Variants in BAALC observed in about 807,000 individuals in gnomAD.
BAALC encodes the protein BAALC binder of MAP3K1 and KLF4.
In BAALC, 9 loss-of-function variants were observed where a neutral mutation model predicts 15.5. That is an observed-to-expected ratio of 0.58 (90% CI 0.35 to 1.02). The LOEUF is 1.02. Among genes scored for constraint, BAALC ranks in the 50% least tolerant of loss-of-function variants. BAALC has a pLI of 0.02. For synonymous variants in BAALC, 80 were observed against 74.6 expected (o/e 1.07, Z -0.37); for missense variants, 201 against 192.4 (o/e 1.04, Z -0.27).
At chr8:103,192,893 A>G (rs1319559967) in intron 1 of BAALC, among the ~76,000 whole-genome samples, 4 of 151,856 alleles carry the variant, frequency 2.6e-5, no homozygotes, top group African/African-American at 7.3e-5. Flanking sequence ...CACCTCTTAG[A>G]CTTCTCTCTT....
At chr8:103,146,733 C>T (rs1474930353) in intron 1 of BAALC, among the ~76,000 whole-genome samples, 2 of 152,218 alleles carry the variant, frequency 1.3e-5, no homozygotes, top group East Asian at 3.9e-4. Flanking sequence ...AAAACATCCC[C>T]ACCTTCCTTA....
At chr8:103,167,396 A>G (rs1441629297) in intron 1 of BAALC, among the ~76,000 whole-genome samples, 1 of 152,168 alleles carries the variant, frequency 6.6e-6, no homozygotes, top group African/African-American at 2.4e-5. Flanking sequence ...CCTTATGACT[A>G]TGGATCACTG....
At chr8:103,212,835 ATC>A in intron 1 of BAALC, 82 bp from the exon 2 acceptor site, 9 of 1,432,304 alleles carry the variant, frequency 6.3e-6, no homozygotes, top group Non-Finnish European at 8.4e-6. Flanking sequence ...CATTTTGACT[ATC>A]TGTTTCTCCA....
rs749682000 is a variant in BAALC, at chr8:103,212,913, C to G, written c.161-6C>G. 4 of 1,611,372 alleles carry G rather than the reference C, an allele frequency of 2.5e-6. No homozygotes were observed. In the South Asian group the frequency reaches 4.4e-5, roughly 18 times the overall value. On this transcript the variant is annotated splice_polypyrimidine_tract_variant and splice_region_variant and intron_variant, in intron 1 of 2. Transcript: ENST00000309982. ...TCTGGTTCCATCCTCTGCTTACCTCCCCCAGGCATGCTGGAAGATGGACTG... is the reference window on the plus strand; with the variant it reads ...TCTGGTTCCATCCTCTGCTTACCTCGCCCAGGCATGCTGGAAGATGGACTG...
intron 1 of BAALC, among the ~76,000 whole-genome samples, chr8:103,145,264 C>T (rs1428560755): frequency 6.6e-6 from 1 of 152,226 alleles, no homozygotes; most frequent in Non-Finnish European, 1.5e-5. Flanking sequence ...GAGACTCTTC[C>T]TGCTTCCTTG....
rs762411964 is a variant in BAALC, at chr8:103,212,493, AG to A, written c.161-425del. 8.5e-5 allele frequency among the ~76,000 whole-genome samples: 13 copies of A among 152,332 alleles called. No homozygotes were observed. In the East Asian group the frequency reaches 2.3e-3, roughly 27 times the overall value. On this transcript the variant is annotated intron_variant, in intron 1 of 2. Coordinates refer to ENST00000309982, the MANE Select transcript of BAALC (RefSeq NM_024812.3). ...AAACCCAACATTTATATAACCTTCA[AG>A]CCAGTAATCCCACTTCTAGGAATTT...
rs1335897804 is a variant in BAALC, at chr8:103,228,495, G to T, written c.*396G>T. On this transcript the variant is annotated 3_prime_UTR_variant, in exon 3 of 3. Transcript: ENST00000309982. ...TGCTATAACTCTCCTGCCCATGATA[G>T]TGTATTCTGTTTCAGGCAAGCTTAT... 1 of 157,774 alleles carries T rather than the reference G, an allele frequency of 6.3e-6. No homozygotes were observed. Among genetic ancestry groups the T allele is most frequent in the Non-Finnish European group, 1.4e-5 (1 of 71,958 alleles). 9.8% of individuals were successfully genotyped at this position (157,774 alleles called of 1,614,324 possible). A position where few individuals can be genotyped will look rare whatever the true frequency, so the allele number is the denominator to read the frequency against.
intron 1 of BAALC, among the ~76,000 whole-genome samples, chr8:103,194,632 G>A (rs1238049897): frequency 6.6e-6 from 1 of 152,214 alleles, no homozygotes; most frequent in African/African-American, 2.4e-5. Context: ...CAAAATATCT[G>A]AGGGTGGGTC....
chr8:103,153,927 A>G lies in BAALC; in HGVS notation c.160+12870A>G, dbSNP rs1011419054. 4.6e-5 allele frequency among the ~76,000 whole-genome samples: 7 copies of G among 152,222 alleles called. No homozygotes were observed. In the South Asian group the frequency reaches 1.2e-3, roughly 27 times the overall value. On this transcript the variant is annotated intron_variant, in intron 1 of 2. Transcript: ENST00000309982. ...ACAACAGGGCATGGCAGCGGTTACA[A>G]TGGAAGCAGAGACCGCCTGTGCACC...
At chr8:103,194,860 C>T (rs952658490) in intron 1 of BAALC, among the ~76,000 whole-genome samples, 1 of 152,172 alleles carries the variant, frequency 6.6e-6, no homozygotes, top group South Asian at 2.1e-4. Flanking sequence ...TAGTTTCCTT[C>T]GGCCCATTTA....
chr8:103,194,121 G>T (rs757970077), intron 1 of BAALC, among the ~76,000 whole-genome samples: 1 of 152,148 alleles, frequency 6.6e-6, no homozygotes, highest in African/African-American at 2.4e-5. Context: ...TTATGAAGCA[G>T]GGAGAGATTT....
intron 2 of BAALC, among the ~76,000 whole-genome samples, chr8:103,214,292 T>C (rs1195116413): frequency 6.6e-6 from 1 of 152,190 alleles, no homozygotes; most frequent in Non-Finnish European, 1.5e-5. Context: ...GAAAAACAAC[T>C]TTAAGCAACT....
chr8:103,156,054 A>G (rs1282756319), intron 1 of BAALC, among the ~76,000 whole-genome samples: 3 of 152,194 alleles, frequency 2.0e-5, no homozygotes, highest in Non-Finnish European at 2.9e-5. Flanking sequence ...TATATAAATG[A>G]ATGAGCGTGT....
chr8:103,168,296 G>C (rs559030014), intron 1 of BAALC, among the ~76,000 whole-genome samples: 3 of 151,902 alleles, frequency 2.0e-5, no homozygotes, highest in African/African-American at 7.3e-5. Context: ...TTGATGTTTC[G>C]GTCTAAGGCC....
chr8:103,186,481 AG>A (rs1448099731), intron 1 of BAALC, among the ~76,000 whole-genome samples: 4 of 152,184 alleles, frequency 2.6e-5, no homozygotes, highest in African/African-American at 9.7e-5. Flanking sequence ...AATAAAATGC[AG>A]TGAATAAATG....
intron 1 of BAALC, among the ~76,000 whole-genome samples, chr8:103,160,019 TC>T (rs1309695676): frequency 6.6e-6 from 1 of 152,172 alleles, no homozygotes; most frequent in African/African-American, 2.4e-5. Flanking sequence ...AAAACTTTAT[TC>T]TTTTTTTTTA....
chr8:103,174,054 T>C lies in BAALC; in HGVS notation c.160+32997T>C, dbSNP rs1280740630. Among the ~76,000 whole-genome samples, 4 of 152,114 alleles carry C rather than the reference T, an allele frequency of 2.6e-5. No homozygotes were observed. In the South Asian group the frequency reaches 6.2e-4, roughly 24 times the overall value. On this transcript the variant is annotated intron_variant, in intron 1 of 2. Transcript: ENST00000309982. ...TAGAGAAACTGGAGGCCTTCACCCA[T>C]AGACGATCCAGAGTGTGAAAATTAC...
intron 1 of BAALC, among the ~76,000 whole-genome samples, chr8:103,188,950 G>A (rs1313981238): frequency 6.6e-6 from 1 of 152,126 alleles, no homozygotes; most frequent in Non-Finnish European, 1.5e-5. Context: ...GTACCTTTTA[G>A]TTCCATTAGA....
chr8:103,164,431 G>A lies in BAALC; in HGVS notation c.160+23374G>A, dbSNP rs138870533. On this transcript the variant is annotated intron_variant, in intron 1 of 2. Transcript: ENST00000309982. ...ACCTCTAAACCTCTCGTTTACTTCT[G>A]ACTTTTCTTCAGTTCATTTCTCACA... is the stretch of plus-strand genomic sequence containing the variant. 2.0e-3 allele frequency among the ~76,000 whole-genome samples: 298 copies of A among 152,288 alleles called. 1 individual carries two copies. The highest frequency in any genetic ancestry group is 6.4e-3 in the African/African-American group (265 of 41,574).
Sources: allele counts gnomAD v4.1 joint callset (sites outside exome capture counted in the v4.1 genomes callset), GRCh38; gene constraint gnomAD v4.1.1; transcripts MANE v1.5; gene names NCBI Gene and HGNC (gene_info 2026-07-23, HGNC 2026-07-21).